CLIP1: variants seen among roughly 807,000 people sequenced by gnomAD.
CLIP1 encodes the protein CAP-Gly domain containing linker protein 1, also known as CAP-Gly domain-containing linker protein 1.
CLIP1 carries 66 observed loss-of-function variants against 161.6 expected under a neutral mutation model. That is an observed-to-expected ratio of 0.41 (90% confidence interval 0.33 to 0.50). The LOEUF (loss-of-function observed/expected upper bound fraction) is 0.50. Ranked by LOEUF, CLIP1 falls within the 20% of genes least tolerant of loss-of-function variation. CLIP1 has a pLI of 0.27. For synonymous variants in CLIP1, 598 were observed against 626.2 expected (o/e 0.96, Z 0.67); for missense variants, 1,376 against 1,702.0 (o/e 0.81, Z 3.37).
chr12:122,403,497 TTG>T (rs67992395), intron 1 of CLIP1, among the ~76,000 whole-genome samples: 31,311 of 99,568 alleles, frequency 0.31, 4,444 homozygotes, highest in Non-Finnish European at 0.41. Flanking sequence ...ATTTCTTGTT[TTG>T]TTTTTTTTTT....
At chr12:122,351,225 G>T in intron 8 of CLIP1, 82 bp from the exon 9 acceptor site, 1 of 834,890 alleles carries the variant, frequency 1.2e-6, no homozygotes, top group Non-Finnish European at 1.8e-6. Context: ...AGGGTTTCAA[G>T]ATAACTTTAT....
chr12:122,301,543 G>T (rs889468329), intron 20 of CLIP1, among the ~76,000 whole-genome samples: 22 of 152,090 alleles, frequency 1.4e-4, no homozygotes, highest in Non-Finnish European at 1.3e-4. Context: ...GCGTGGTAGC[G>T]CATGCCTATA....
At chr12:122,391,347 A>G (rs981534147) in intron 1 of CLIP1, among the ~76,000 whole-genome samples, 4 of 152,096 alleles carry the variant, frequency 2.6e-5, no homozygotes, top group Non-Finnish European at 5.9e-5. Context: ...GCACTTTGGG[A>G]GGCTGAGGCA....
Position 122,355,625 on chromosome 12 carries a change from T to C in CLIP1, c.1006-313A>G, listed in dbSNP as rs6488933. 215,883 of 275,326 alleles carry C rather than the reference T, an allele frequency of 0.78. 85,555 individuals are homozygous for C. The highest frequency in any genetic ancestry group is 0.89 in the African/African-American group (39,695 of 44,734). 17.1% of individuals were successfully genotyped at this position (275,326 alleles called of 1,614,324 possible). Reference sequence around the variant, plus strand: ...GGAGTTTGAGACCTGGCCAAGATGATGAGACCCCATCTCTACTAAAAATAC... The same window carrying C: ...GGAGTTTGAGACCTGGCCAAGATGACGAGACCCCATCTCTACTAAAAATAC... On this transcript the variant is annotated intron_variant, in intron 5 of 25. Transcript: ENST00000620786. This position sits in a 1 kb window ranked among gnomAD's most constrained non-coding sequence, Gnocchi z 4.1.
chr12:122,351,394 G>T (rs2136442182), intron 8 of CLIP1, among the ~76,000 whole-genome samples: 1 of 152,272 alleles, frequency 6.6e-6, no homozygotes, highest in South Asian at 2.1e-4. Context: ...TTTTTAAATG[G>T]ATGAGAACAA....
At chr12:122,372,249 C>T (rs1206705209) in intron 3 of CLIP1, among the ~76,000 whole-genome samples, 6 of 151,976 alleles carry the variant, frequency 3.9e-5, no homozygotes, top group Admixed American at 1.3e-4. Flanking sequence ...GGAAAAACCC[C>T]GTCTCTACTA....
chr12:122,358,724 C>G (rs61954416), intron 5 of CLIP1, among the ~76,000 whole-genome samples: 14,962 of 148,308 alleles, frequency 0.1, 1,246 homozygotes, highest in East Asian at 0.46. Context: ...CATGGTATTT[C>G]CTCAATAAAT....
chr12:122,422,460 A>G (rs1593289949), intron 1 of CLIP1, 61 bp downstream of exon 1: 1 of 151,454 alleles, frequency 6.6e-6, no homozygotes, highest in East Asian at 2.0e-4. Flanking sequence ...CAGGCCGGGA[A>G]GCCGGCAGGG....
At chr12:122,337,475 G>A (rs866994441) in intron 11 of CLIP1, among the ~76,000 whole-genome samples, 1 of 94,582 alleles carries the variant, frequency 1.1e-5, no homozygotes, top group African/African-American at 4.1e-5. Flanking sequence ...AGAAAAGAGA[G>A]ATGGGGTCTC....
At chr12:122,319,496 T>C in intron 17 of CLIP1, 148 bp from the exon 18 acceptor site, 2 of 618,166 alleles carry the variant, frequency 3.2e-6, no homozygotes, top group South Asian at 4.0e-5. Flanking sequence ...AATCCAGTGC[T>C]GAAACAGACG....
At chr12:122,299,833 G>A (rs1360785156) in intron 20 of CLIP1, among the ~76,000 whole-genome samples, 2 of 151,912 alleles carry the variant, frequency 1.3e-5, no homozygotes, top group South Asian at 4.2e-4. Flanking sequence ...GGAGAATGGC[G>A]TGAACCCGGG....
intron 20 of CLIP1, among the ~76,000 whole-genome samples, chr12:122,289,417 T>TAAA (rs11384628): frequency 6.8e-6 from 1 of 146,906 alleles, no homozygotes; most frequent in Non-Finnish European, 1.5e-5. Context: ...AGACTCCATC[T>TAAA]AAAAAAAAAA....
At chr12:122,379,120 C>T (rs764577434) in intron 2 of CLIP1, among the ~76,000 whole-genome samples, 5 of 149,278 alleles carry the variant, frequency 3.3e-5, no homozygotes, top group South Asian at 4.2e-4. Context: ...AGTGAAACTC[C>T]GTCTCAAAAA....
chr12:122,275,814 G>A (rs1469689053), intron 24 of CLIP1: 1 of 152,142 alleles, frequency 6.6e-6, no homozygotes, highest in Non-Finnish European at 1.5e-5. Flanking sequence ...GGAGCAATAA[G>A]TAAACATGTC....
intron 1 of CLIP1, among the ~76,000 whole-genome samples, chr12:122,393,610 G>A (rs988885354): frequency 5.3e-5 from 8 of 151,836 alleles, no homozygotes; most frequent in African/African-American, 1.4e-4. Flanking sequence ...CTAAGAAAGT[G>A]TTTTAAGAGT....
Position 122,397,508 on chromosome 12 carries a change from A to G in CLIP1, c.-106-16950T>C, listed in dbSNP as rs572200954. ...TCAGAGGTTGCAGTGAGCCAAGATC[A>G]CACCACTGCCCTCCAGTCTGGGCGA... On this transcript the variant is annotated intron_variant, in intron 1 of 25. Transcript: ENST00000620786. Among the ~76,000 whole-genome samples, 30 of 136,784 alleles carry G rather than the reference A, an allele frequency of 2.2e-4. No homozygotes were observed. In the South Asian group the frequency reaches 4.1e-3, roughly 19 times the overall value. 89.7% of individuals were successfully genotyped at this position (136,784 alleles called of 152,430 possible).
chr12:122,389,780 AAAAG>A (rs1285759419), intron 1 of CLIP1, among the ~76,000 whole-genome samples: 1 of 145,976 alleles, frequency 6.9e-6, no homozygotes, highest in African/African-American at 2.5e-5. Context: ...AAAAAAAAAA[AAAAG>A]AATTTATAAT....
chr12:122,281,869 T>C (rs982527888), intron 21 of CLIP1, among the ~76,000 whole-genome samples: 4 of 152,062 alleles, frequency 2.6e-5, no homozygotes, highest in African/African-American at 9.7e-5. Context: ...AAAACCAGGA[T>C]TTTGGGTTAT....
rs1244409695 is a variant in CLIP1 at position 122,415,818 on chromosome 12, C to CAA, written c.-107+6701_-107+6702dup. Among the ~76,000 whole-genome samples the CAA allele has an allele frequency of 3.4e-5, 5 of 148,706 alleles. No individual in the cohort carries two copies. The East Asian group carries it at 1.0e-3, about 30-fold the overall frequency. ...TGAGTGACAGAGGGAGACTCCATCT[C>CAA]AAAAAAAAACCCATAGATTTTGAAC... On this transcript the variant is annotated intron_variant, in intron 1 of 25. Transcript: ENST00000620786.
Sources: gnomAD v4.1 joint callset for allele counts (sites outside exome capture counted in the v4.1 genomes callset) on GRCh38, gnomAD v4.1.1 for gene constraint, Gnocchi (gnomAD v3.1) non-coding constraint, MANE v1.5 for transcripts, NCBI Gene and HGNC (gene_info 2026-07-23, HGNC 2026-07-21) for gene names.